Variants in ATXN1 observed in about 807,000 individuals in gnomAD.
ATXN1 encodes ataxin 1.
A neutral mutation model predicts 56.4 loss-of-function variants in ATXN1; 8 were observed. That is an observed-to-expected ratio of 0.14 (90% CI 0.08 to 0.26). The LOEUF (loss-of-function observed/expected upper bound fraction) is 0.26, where lower values mean the gene tolerates loss of function less well. ATXN1 is among the 10% of genes least tolerant of loss of function. The pLI is 1.00. For missense variants in ATXN1, 987 were observed against 1,106.5 expected (o/e 0.89, Z 1.53); for synonymous variants, 514 against 494.6 (o/e 1.04, Z -0.52).
At position 16,760,625 on chromosome 6, in the gene ATXN1, T is replaced by C. The variant is rs1303022796; in HGVS notation, c.-730+673A>G. Among the ~76,000 whole-genome samples the C allele has an allele frequency of 5.4e-5, 8 of 148,552 alleles. No individual in the cohort carries two copies. The East Asian group carries it at 1.4e-3, about 27-fold the overall frequency. ...CCGTCCCGGCTGCAGGAGCAGTCCC[T>C]TCCCCGCCCGCAGCCGCACACCCGG... On this transcript the variant is annotated intron_variant, in intron 1 of 7. Transcript: ENST00000436367. This position sits in a 1 kb window ranked among gnomAD's most constrained non-coding sequence, Gnocchi z 5.3.
At position 16,377,566 on chromosome 6, in the gene ATXN1, C is replaced by T. The variant is rs189842864; in HGVS notation, c.-160-49096G>A. On this transcript the variant is annotated intron_variant, in intron 6 of 7. Coordinates refer to ENST00000436367, the MANE Select transcript of ATXN1 (RefSeq NM_001128164.2). ...AAGAGCCCATGGTCTCGCGGGGAGA[C>T]AGACACCAAGAAACCATCACAGCTC... 7.7e-4 allele frequency among the ~76,000 whole-genome samples: 118 copies of T among 152,276 alleles called. 1 individual carries two copies. Among genetic ancestry groups the T allele is most frequent in the Non-Finnish European group, 1.3e-3 (87 of 68,018 alleles).
At chr6:16,634,344 T>C (rs1763556288) in intron 3 of ATXN1, among the ~76,000 whole-genome samples, 1 of 152,220 alleles carries the variant, frequency 6.6e-6, no homozygotes, top group South Asian at 2.1e-4. Flanking sequence ...TTTCTGGGCC[T>C]CGGTTTTCTC....
At chr6:16,532,690 G>T (rs1761528114) in intron 4 of ATXN1, among the ~76,000 whole-genome samples, 1 of 151,942 alleles carries the variant, frequency 6.6e-6, no homozygotes, top group East Asian at 1.9e-4. Context: ...CATTAAGATG[G>T]CTCTGATTAA....
chr6:16,326,701 G>A lies in ATXN1; in HGVS notation c.1610C>T (p.Ala537Val). 1 of 1,613,368 alleles carries A rather than the reference G, an allele frequency of 6.2e-7. No homozygotes were observed. The highest frequency in any genetic ancestry group is 1.1e-5 in the South Asian group (1 of 91,088). Reference sequence around the variant, plus strand: ...TGGGTAGGCGGCCTGGGTGACCAGGGCCTCAGGGTTGAAGTTCTCGCTCTT... The same window carrying A: ...TGGGTAGGCGGCCTGGGTGACCAGGACCTCAGGGTTGAAGTTCTCGCTCTT... ...LPKSENFNPE[A>V]LVTQAAYPAM... Residue 537 changes from alanine to valine, a missense_variant, in exon 7 of 8, where the codon GCC becomes GTC. Ala to Val is a moderately conservative substitution (Grantham distance 64, BLOSUM62 0). This residue lies in a region of ATXN1 where 723 missense variants were observed against 791.7 expected (regional missense o/e 0.91). Coordinates refer to ENST00000436367, the MANE Select transcript of ATXN1 (RefSeq NM_001128164.2). This position sits in a 1 kb window ranked among gnomAD's most constrained non-coding sequence, Gnocchi z 6.6.
chr6:16,435,271 A>G (rs950385128), intron 6 of ATXN1, among the ~76,000 whole-genome samples: 1 of 152,118 alleles, frequency 6.6e-6, no homozygotes, highest in Non-Finnish European at 1.5e-5. Flanking sequence ...CCCGAAGATG[A>G]TGAGAGGTCT....
intron 6 of ATXN1, among the ~76,000 whole-genome samples, chr6:16,347,010 G>A (rs1761418565): frequency 6.6e-6 from 1 of 152,248 alleles, no homozygotes; most frequent in East Asian, 1.9e-4. Context: ...AGGGCAGTGA[G>A]GGGCTTAGCA....
At chr6:16,497,581 C>T (rs1399219) in intron 5 of ATXN1, among the ~76,000 whole-genome samples, 43,328 of 152,146 alleles carry the variant, frequency 0.28, 6,476 homozygotes, top group South Asian at 0.4. Context: ...TTGCAGGAAT[C>T]GCCTGTGCCT....
intron 7 of ATXN1, among the ~76,000 whole-genome samples, chr6:16,324,208 G>A (rs1486659767): frequency 6.6e-6 from 1 of 152,098 alleles, no homozygotes. Flanking sequence ...TTGGGAGGCC[G>A]AGGTGGAAGG....
chr6:16,420,417 C>A (rs1214734759), intron 6 of ATXN1, among the ~76,000 whole-genome samples: 1 of 152,070 alleles, frequency 6.6e-6, no homozygotes, highest in Non-Finnish European at 1.5e-5. Flanking sequence ...CAAACATTTG[C>A]GTGTTTTTAT....
At chr6:16,572,616 G>A (rs1277768914) in intron 4 of ATXN1, among the ~76,000 whole-genome samples, 1 of 152,074 alleles carries the variant, frequency 6.6e-6, no homozygotes, top group Non-Finnish European at 1.5e-5. Context: ...AGGGTATAAA[G>A]GCTACAGAAA....
chr6:16,504,063 G>A (rs1020401096), intron 5 of ATXN1, among the ~76,000 whole-genome samples: 4 of 152,120 alleles, frequency 2.6e-5, no homozygotes, highest in African/African-American at 9.7e-5. Context: ...GCCCCCACCT[G>A]CTATATATCT....
chr6:16,429,703 C>T (rs1759238271), intron 6 of ATXN1, among the ~76,000 whole-genome samples: 1 of 152,180 alleles, frequency 6.6e-6, no homozygotes, highest in East Asian at 1.9e-4. Context: ...CAGGTGTGAG[C>T]CACTGAGCCT....
intron 6 of ATXN1, among the ~76,000 whole-genome samples, chr6:16,378,314 C>G (rs144513982): frequency 6.6e-6 from 1 of 152,206 alleles, no homozygotes; most frequent in Non-Finnish European, 1.5e-5. Flanking sequence ...CATGCTATGA[C>G]TTACCAAGCA....
chr6:16,611,877 T>TTTTTG (rs1164687959), intron 3 of ATXN1, among the ~76,000 whole-genome samples: 1 of 138,264 alleles, frequency 7.2e-6, no homozygotes, highest in Non-Finnish European at 1.5e-5. Context: ...TTTTTTTTTT[T>TTTTTG]GAGACAGAGT....
chr6:16,643,322 A>G (rs1275516277), intron 3 of ATXN1, among the ~76,000 whole-genome samples: 1 of 151,760 alleles, frequency 6.6e-6, no homozygotes, highest in Non-Finnish European at 1.5e-5. Flanking sequence ...ACTCTTCCTA[A>G]CAGGCACTAC....
At chr6:16,668,636 A>T (rs1379006709) in intron 2 of ATXN1, among the ~76,000 whole-genome samples, 1 of 152,124 alleles carries the variant, frequency 6.6e-6, no homozygotes, top group Non-Finnish European at 1.5e-5. Context: ...AGAATAAAGT[A>T]GGATAGTATA....
At chr6:16,426,792 T>A (rs565845567) in intron 6 of ATXN1, among the ~76,000 whole-genome samples, 1 of 150,972 alleles carries the variant, frequency 6.6e-6, no homozygotes, top group African/African-American at 2.4e-5. Context: ...CTATCCAGCA[T>A]CCCCTTGCTG....
intron 2 of ATXN1, among the ~76,000 whole-genome samples, chr6:16,681,112 C>T (rs897458097): frequency 1.3e-5 from 2 of 152,212 alleles, no homozygotes; most frequent in African/African-American, 4.8e-5. Flanking sequence ...TGTTATTTCT[C>T]CCCACCAATG....
At chr6:16,491,603 C>T (rs1389346005) in intron 5 of ATXN1, among the ~76,000 whole-genome samples, 1 of 152,044 alleles carries the variant, frequency 6.6e-6, no homozygotes, top group Non-Finnish European at 1.5e-5. Flanking sequence ...GGCCTGATCC[C>T]TGGAATTTTT....
Sources: allele counts gnomAD v4.1 joint callset (sites outside exome capture counted in the v4.1 genomes callset), GRCh38; gene constraint gnomAD v4.1.1; regional missense constraint gnomAD v4.1.1; non-coding constraint Gnocchi (gnomAD v3.1); transcripts MANE v1.5; gene names NCBI Gene and HGNC (gene_info 2026-07-23, HGNC 2026-07-21).